The following SEMA5A variants were observed in gnomAD, a reference collection of about 807,000 sequenced individuals.
SEMA5A encodes semaphorin-5A.
In SEMA5A, 55 loss-of-function variants were observed where a neutral mutation model predicts 135.5. The observed-to-expected ratio is 0.41, with a 90% CI of 0.33 to 0.51. The LOEUF is 0.51. Among genes scored for constraint, SEMA5A ranks in the 20% least tolerant of loss-of-function variants. The probability of loss-of-function intolerance (pLI) is 0.37; values close to 1 mark genes in which losing one functional copy is unlikely to be tolerated. For missense variants in SEMA5A, 1,290 were observed against 1,419.9 expected (o/e 0.91, Z 1.47); for synonymous variants, 580 against 546.5 (o/e 1.06, Z -0.85).
At chr5:9,526,113 T>A (rs1246021836) in intron 1 of SEMA5A, among the ~76,000 whole-genome samples, 2 of 152,188 alleles carry the variant, frequency 1.3e-5, no homozygotes, top group Non-Finnish European at 2.9e-5. Flanking sequence ...AGCCAAAACA[T>A]AACCTGCTAT....
intron 5 of SEMA5A, among the ~76,000 whole-genome samples, chr5:9,285,013 T>A (rs924449774): frequency 6.6e-6 from 1 of 152,124 alleles, no homozygotes; most frequent in African/African-American, 2.4e-5. Context: ...TCTCACATCC[T>A]CCTATTCTAA....
chr5:9,263,784 A>G (rs571957082), intron 5 of SEMA5A, among the ~76,000 whole-genome samples: 4 of 152,346 alleles, frequency 2.6e-5, no homozygotes, highest in African/African-American at 9.6e-5. Flanking sequence ...GTTTAACCAC[A>G]TGAGCTACTC....
chr5:9,251,949 AT>A (rs1412819516), intron 5 of SEMA5A, among the ~76,000 whole-genome samples: 3 of 152,270 alleles, frequency 2.0e-5, no homozygotes, highest in Non-Finnish European at 4.4e-5. Context: ...CTTGCCAAAG[AT>A]TACTGAGCTT....
chr5:9,242,220 A>G (rs1218934812), intron 5 of SEMA5A, among the ~76,000 whole-genome samples: 1 of 152,248 alleles, frequency 6.6e-6, no homozygotes, highest in Non-Finnish European at 1.5e-5. Context: ...TGACTTGAAT[A>G]AAATGTCAAC....
chr5:9,439,487 C>A (rs1170905736), intron 1 of SEMA5A, among the ~76,000 whole-genome samples: 1 of 152,156 alleles, frequency 6.6e-6, no homozygotes, highest in Non-Finnish European at 1.5e-5. Context: ...GAATAGCTGG[C>A]AATTTCTGTA....
At chr5:9,220,179 T>C (rs992270681) in intron 8 of SEMA5A, among the ~76,000 whole-genome samples, 2 of 152,176 alleles carry the variant, frequency 1.3e-5, no homozygotes, top group Non-Finnish European at 2.9e-5. Context: ...ATAAGAATGA[T>C]ACAATGGTCT....
At chr5:9,484,221 G>A (rs968358608) in intron 1 of SEMA5A, among the ~76,000 whole-genome samples, 1 of 152,180 alleles carries the variant, frequency 6.6e-6, no homozygotes, top group East Asian at 1.9e-4. Context: ...TACGTGCTCT[G>A]TGTTCCTCTG....
chr5:9,224,640 T>G, intron 8 of SEMA5A, 34 bp downstream of exon 8: 43 of 1,590,940 alleles, frequency 2.7e-5, no homozygotes, highest in Non-Finnish European at 3.6e-5. Flanking sequence ...CAAAGACAAA[T>G]GAGGTGAGAA....
At chr5:9,238,377 T>C (rs953325850) in intron 5 of SEMA5A, among the ~76,000 whole-genome samples, 3 of 152,180 alleles carry the variant, frequency 2.0e-5, no homozygotes, top group Non-Finnish European at 4.4e-5. Context: ...AAGATATACC[T>C]GTAAATGATA....
intron 15 of SEMA5A, among the ~76,000 whole-genome samples, chr5:9,117,909 T>C (rs1740609025): frequency 6.6e-6 from 1 of 152,180 alleles, no homozygotes; most frequent in Non-Finnish European, 1.5e-5. Flanking sequence ...CACACCCTGC[T>C]TGGTAAAAAT....
chr5:9,541,959 C>T (rs2126394716), intron 1 of SEMA5A, among the ~76,000 whole-genome samples: 1 of 152,244 alleles, frequency 6.6e-6, no homozygotes, highest in Admixed American at 6.5e-5. Context: ...GTCAAGTTTT[C>T]ATTTGTTTTG....
chr5:9,143,810 A>ACCTCCTTGTGGGCTT (rs70943940), intron 12 of SEMA5A, among the ~76,000 whole-genome samples: 61,638 of 151,678 alleles, frequency 0.41, 13,634 homozygotes, highest in Non-Finnish European at 0.51. Context: ...GTTTATCTTG[A>ACCTCCTTGTGGGCTT]CCTCCTTGTG....
chr5:9,076,668 G>A (rs1182730966), intron 16 of SEMA5A, among the ~76,000 whole-genome samples: 1 of 152,118 alleles, frequency 6.6e-6, no homozygotes, highest in African/African-American at 2.4e-5. Context: ...ATACATTCCT[G>A]TATATAGTAA....
intron 7 of SEMA5A, among the ~76,000 whole-genome samples, chr5:9,225,790 C>T (rs958742511): frequency 6.6e-6 from 1 of 151,846 alleles, no homozygotes; most frequent in Non-Finnish European, 1.5e-5. Context: ...TGCTGGATTC[C>T]CAACCAGCCA....
chr5:9,287,113 A>G (rs1750835300), intron 5 of SEMA5A, among the ~76,000 whole-genome samples: 1 of 152,202 alleles, frequency 6.6e-6, no homozygotes, highest in Non-Finnish European at 1.5e-5. Context: ...TCCCCCGTCC[A>G]CCTGCACTTC....
chr5:9,310,485 TG>T (rs1253686215), intron 5 of SEMA5A, among the ~76,000 whole-genome samples: 1 of 152,144 alleles, frequency 6.6e-6, no homozygotes, highest in African/African-American at 2.4e-5. Flanking sequence ...TCATGATTTT[TG>T]AGAGCTGTGG....
At chr5:9,543,316 A>G (rs1426265248) in intron 1 of SEMA5A, among the ~76,000 whole-genome samples, 1 of 152,196 alleles carries the variant, frequency 6.6e-6, no homozygotes, top group African/African-American at 2.4e-5. Context: ...GCTTGTATTT[A>G]TTTCGGTCTC....
rs183407318 is a variant in SEMA5A, at chr5:9,105,589, T to C, written c.2073+2551A>G. 9.4e-4 allele frequency among the ~76,000 whole-genome samples: 143 copies of C among 152,244 alleles called. 3 individuals carry two copies. The East Asian group carries it at 0.024, about 25-fold the overall frequency. ...TGGATAACAATTAAAGAAATGAGAC[T>C]AGGAAGGAGCACTCAAACGTGAGAC... On this transcript the variant is annotated intron_variant, in intron 16 of 22. Coordinates refer to ENST00000382496, the MANE Select transcript of SEMA5A (RefSeq NM_003966.3).
At chr5:9,098,027 T>C (rs1203526189) in intron 16 of SEMA5A, among the ~76,000 whole-genome samples, 1 of 152,066 alleles carries the variant, frequency 6.6e-6, no homozygotes. Flanking sequence ...GTGGGTCACT[T>C]GAGGTCGGGA....
Sources: allele counts gnomAD v4.1 joint callset (sites outside exome capture counted in the v4.1 genomes callset), GRCh38; gene constraint gnomAD v4.1.1; transcripts MANE v1.5; gene names NCBI Gene and HGNC (gene_info 2026-07-23, HGNC 2026-07-21).